DPP10: variants seen among roughly 807,000 people sequenced by gnomAD.
DPP10 encodes dipeptidyl peptidase like 10.
In DPP10, 33 loss-of-function variants were observed where a neutral mutation model predicts 120.9. The ratio of observed to expected loss-of-function variants is 0.27; its 90% confidence interval spans 0.21 to 0.37. DPP10 has a LOEUF of 0.37. DPP10 is among the 10% of genes least tolerant of loss of function. The probability of loss-of-function intolerance (pLI) is 1.00; values close to 1 mark genes in which losing one functional copy is unlikely to be tolerated. For missense variants in DPP10, 816 were observed against 942.8 expected (o/e 0.87, Z 1.76); for synonymous variants, 337 against 326.1 (o/e 1.03, Z -0.36).
intron 1 of DPP10, among the ~76,000 whole-genome samples, chr2:115,131,486 C>A (rs1487436131): frequency 6.6e-6 from 1 of 152,012 alleles, no homozygotes; most frequent in Admixed American, 6.6e-5. Context: ...GTGCACCTGC[C>A]TGGGCCATAA....
chr2:115,746,054 G>T (rs760396791), intron 9 of DPP10, 32 bp from the exon 10 acceptor site: 6 of 1,459,216 alleles, frequency 4.1e-6, no homozygotes, highest in Non-Finnish European at 5.7e-6. Context: ...AATGCTTAAT[G>T]TACTTGCAAT....
rs140254508 is a variant in DPP10 at position 115,018,329 on chromosome 2, A to G, written c.61-290910A>G. Reference sequence around the variant, plus strand: ...TCCTCCAGGATCTAGAACAAGAAATACCATTTGACCCAGCAATCCCATTAC... The same window carrying G: ...TCCTCCAGGATCTAGAACAAGAAATGCCATTTGACCCAGCAATCCCATTAC... On this transcript the variant is annotated intron_variant, in intron 1 of 25. Coordinates refer to ENST00000410059, the MANE Select transcript of DPP10 (RefSeq NM_020868.6). Among the ~76,000 whole-genome samples, 1,060 of 152,230 alleles carry G rather than the reference A, an allele frequency of 7.0e-3. 7 individuals are homozygous for G. Among genetic ancestry groups the G allele is most frequent in the African/African-American group, 0.024 (1,008 of 41,532 alleles).
At chr2:115,141,819 G>A (rs2050942030) in intron 1 of DPP10, among the ~76,000 whole-genome samples, 1 of 152,080 alleles carries the variant, frequency 6.6e-6, no homozygotes, top group African/African-American at 2.4e-5. Context: ...TGTCACCCAG[G>A]CTGGAGTGCA....
intron 1 of DPP10, among the ~76,000 whole-genome samples, chr2:114,790,234 C>T (rs1272521539): frequency 2.0e-5 from 3 of 152,140 alleles, no homozygotes. Context: ...TGTGGAATTC[C>T]TGATTACTCA....
At chr2:115,665,131 C>T (rs2089343215) in intron 5 of DPP10, among the ~76,000 whole-genome samples, 2 of 152,176 alleles carry the variant, frequency 1.3e-5, no homozygotes, top group African/African-American at 2.4e-5. Context: ...GTAAAGGTCT[C>T]ATTCCCATAC....
chr2:115,502,532 T>C (rs932953580), intron 4 of DPP10, among the ~76,000 whole-genome samples: 2 of 152,174 alleles, frequency 1.3e-5, no homozygotes, highest in Non-Finnish European at 2.9e-5. Flanking sequence ...TTAGCTGTAC[T>C]CTTTCTGCTG....
chr2:115,444,585 G>A (rs2072392126), intron 3 of DPP10, among the ~76,000 whole-genome samples: 1 of 152,180 alleles, frequency 6.6e-6, no homozygotes, highest in Non-Finnish European at 1.5e-5. Flanking sequence ...TGGTTATGAA[G>A]TAGGAATATC....
intron 7 of DPP10, among the ~76,000 whole-genome samples, chr2:115,717,765 G>A (rs2092541629): frequency 6.6e-6 from 1 of 152,162 alleles, no homozygotes; most frequent in Non-Finnish European, 1.5e-5. Context: ...ACGTGAATGG[G>A]CATGCACCAC....
intron 1 of DPP10, among the ~76,000 whole-genome samples, chr2:115,098,358 C>T (rs973862282): frequency 1.3e-5 from 2 of 152,116 alleles, no homozygotes; most frequent in African/African-American, 4.8e-5. Context: ...CATCCCTTAC[C>T]AACAGGGATA....
At chr2:114,925,684 C>G (rs1695567068) in intron 1 of DPP10, among the ~76,000 whole-genome samples, 1 of 152,090 alleles carries the variant, frequency 6.6e-6, no homozygotes, top group Non-Finnish European at 1.5e-5. Flanking sequence ...CTGGTCCAGG[C>G]AAAGGGAATG....
chr2:115,841,442 A>G (rs376337477), intron 25 of DPP10, among the ~76,000 whole-genome samples: 2 of 152,186 alleles, frequency 1.3e-5, no homozygotes, highest in Admixed American at 6.5e-5. Flanking sequence ...CCAGTCTGAT[A>G]TAAGAGTCAT....
chr2:115,607,108 T>C (rs1278400879), intron 5 of DPP10, among the ~76,000 whole-genome samples: 1 of 152,172 alleles, frequency 6.6e-6, no homozygotes, highest in East Asian at 1.9e-4. Context: ...AGTTGATTAA[T>C]GAAATGATGT....
intron 21 of DPP10, among the ~76,000 whole-genome samples, chr2:115,830,252 G>C (rs1688782657): frequency 6.6e-6 from 1 of 151,748 alleles, no homozygotes; most frequent in South Asian, 2.1e-4. Context: ...CAGCTACTCA[G>C]GAGGCTGAAG....
chr2:115,094,404 T>C (rs942184829), intron 1 of DPP10, among the ~76,000 whole-genome samples: 4 of 152,182 alleles, frequency 2.6e-5, no homozygotes, highest in Admixed American at 2.0e-4. Context: ...AAAATCACTT[T>C]CTTACCTTCG....
chr2:115,756,637 G>C (rs1487270887), intron 11 of DPP10, among the ~76,000 whole-genome samples: 1 of 152,090 alleles, frequency 6.6e-6, no homozygotes, highest in Non-Finnish European at 1.5e-5. Context: ...GCCACAAGGA[G>C]AACTCTAGAA....
intron 1 of DPP10, among the ~76,000 whole-genome samples, chr2:114,989,605 C>G (rs1700637336): frequency 6.6e-6 from 1 of 152,130 alleles, no homozygotes; most frequent in South Asian, 2.1e-4. Flanking sequence ...ATCATTCTAA[C>G]AGAGGTATAG....
At position 115,011,601 on chromosome 2, in the gene DPP10, A is replaced by G. The variant is rs144827542; in HGVS notation, c.61-297638A>G. ...GTTGTTTAATGCTGGCATAGTTTGT[A>G]TTTTTTTTTATTTCTTTAATTTTAA... On this transcript the variant is annotated intron_variant, in intron 1 of 25. Transcript: ENST00000410059. Among the ~76,000 whole-genome samples, 15 of 151,480 alleles carry G rather than the reference A, an allele frequency of 9.9e-5. No homozygotes were observed. The East Asian group carries it at 2.9e-3, about 29-fold the overall frequency.
intron 1 of DPP10, among the ~76,000 whole-genome samples, chr2:115,179,465 G>C (rs908243539): frequency 1.3e-5 from 2 of 152,178 alleles, no homozygotes; most frequent in Non-Finnish European, 2.9e-5. Context: ...AGCATAATTT[G>C]AGAAATGAGA....
intron 3 of DPP10, among the ~76,000 whole-genome samples, chr2:115,349,041 C>T (rs2063858080): frequency 6.6e-6 from 1 of 152,036 alleles, no homozygotes; most frequent in African/African-American, 2.4e-5. Flanking sequence ...TGTCAGTATT[C>T]AATGAGTGCT....
Sources: allele counts gnomAD v4.1 joint callset (sites outside exome capture counted in the v4.1 genomes callset), GRCh38; gene constraint gnomAD v4.1.1; transcripts MANE v1.5; gene names NCBI Gene and HGNC (gene_info 2026-07-23, HGNC 2026-07-21).